KIAA1217: variants seen among roughly 807,000 people sequenced by gnomAD.
KIAA1217 encodes sickle tail protein homolog.
A neutral mutation model predicts 163.9 loss-of-function variants in KIAA1217; 88 were observed. The observed-to-expected ratio is 0.54, with a 90% CI of 0.45 to 0.64. The LOEUF is 0.64. Ranked by LOEUF, KIAA1217 falls within the 30% of genes least tolerant of loss-of-function variation. The pLI, the probability that KIAA1217 is intolerant of heterozygous loss-of-function variation, is 0.00. For synonymous variants in KIAA1217, 903 were observed against 923.1 expected (o/e 0.98, Z 0.39); for missense variants, 2,372 against 2,475.0 (o/e 0.96, Z 0.88).
chr10:24,387,614 C>A (rs1018414486), intron 3 of KIAA1217, among the ~76,000 whole-genome samples: 4 of 152,142 alleles, frequency 2.6e-5, no homozygotes, highest in African/African-American at 4.8e-5. Context: ...AAGTCAAATT[C>A]TCCCTGTTTG....
At chr10:24,039,437 C>A (rs997551352) in intron 2 of KIAA1217, among the ~76,000 whole-genome samples, 1 of 152,096 alleles carries the variant, frequency 6.6e-6, no homozygotes, top group Admixed American at 6.6e-5. Context: ...AATACTCCCT[C>A]GATATGCTGG....
intron 2 of KIAA1217, among the ~76,000 whole-genome samples, chr10:24,364,601 G>C (rs536354528): frequency 3.9e-5 from 6 of 152,076 alleles, no homozygotes; most frequent in Admixed American, 3.3e-4. Context: ...GCATCCCGGG[G>C]CCTTCCCTGC....
At chr10:24,306,685 G>A (rs1412249300) in intron 2 of KIAA1217, among the ~76,000 whole-genome samples, 1 of 152,214 alleles carries the variant, frequency 6.6e-6, no homozygotes, top group Non-Finnish European at 1.5e-5. Context: ...AACAGCAGCA[G>A]CATCTTCCAA....
chr10:23,708,390 A>G (rs1837025838), intron 1 of KIAA1217, among the ~76,000 whole-genome samples: 1 of 152,154 alleles, frequency 6.6e-6, no homozygotes, highest in Admixed American at 6.5e-5. Flanking sequence ...GTCTGGTCCA[A>G]TCCCCTAATT....
At chr10:23,884,805 C>G (rs1049767865) in intron 1 of KIAA1217, among the ~76,000 whole-genome samples, 1 of 151,934 alleles carries the variant, frequency 6.6e-6, no homozygotes, top group African/African-American at 2.4e-5. Flanking sequence ...AGGTTTGTCC[C>G]CAGCAACTTG....
chr10:23,796,146 T>C (rs1007497803), intron 1 of KIAA1217, among the ~76,000 whole-genome samples: 1 of 152,070 alleles, frequency 6.6e-6, no homozygotes, highest in African/African-American at 2.4e-5. Flanking sequence ...CATGCAAAGA[T>C]TTTAGCTTTG....
At chr10:24,125,698 C>T (rs1190878163) in intron 2 of KIAA1217, among the ~76,000 whole-genome samples, 2 of 151,990 alleles carry the variant, frequency 1.3e-5, no homozygotes, top group Non-Finnish European at 2.9e-5. Context: ...CCCTTTCTCT[C>T]TATTTCTAAC....
chr10:24,257,037 A>C (rs1043435438), intron 2 of KIAA1217, among the ~76,000 whole-genome samples: 2 of 152,176 alleles, frequency 1.3e-5, no homozygotes, highest in African/African-American at 4.8e-5. Context: ...ATGAAACAAG[A>C]TGGTCAGGAA....
intron 1 of KIAA1217, among the ~76,000 whole-genome samples, chr10:23,983,094 CAAG>C (rs1845838329): frequency 6.6e-6 from 1 of 151,708 alleles, no homozygotes; most frequent in African/African-American, 2.4e-5. Flanking sequence ...CAGAGGTGTG[CAAG>C]AAGAACAAGC....
At chr10:23,765,187 CTTTTTTTTTTTTT>C (rs67342339) in intron 1 of KIAA1217, among the ~76,000 whole-genome samples, 2 of 75,366 alleles carry the variant, frequency 2.7e-5, no homozygotes, top group South Asian at 5.2e-4. Flanking sequence ...TTTTTGTTCT[CTTTTTTTTTTTTT>C]TTTTTTTTTT....
rs1407665932 is a variant in KIAA1217, at chr10:24,212,922, C to A, written c.70+3659C>A. Reference sequence around the variant, plus strand: ...TTGTTGAATGAAAGGCTAATTTTACCACTTTGGGACTTTGAGTTTATTATC... The same window carrying A: ...TTGTTGAATGAAAGGCTAATTTTACAACTTTGGGACTTTGAGTTTATTATC... On this transcript the variant is annotated intron_variant, in intron 1 of 20. Coordinates refer to ENST00000376454, the MANE Select transcript of KIAA1217 (RefSeq NM_019590.5). 7.2e-5 allele frequency among the ~76,000 whole-genome samples: 11 copies of A among 152,140 alleles called. 1 individual carries two copies. Among genetic ancestry groups the A allele is most frequent in the Admixed American group, 7.2e-4 (11 of 15,278 alleles).
intron 2 of KIAA1217, among the ~76,000 whole-genome samples, chr10:24,337,878 C>T (rs922731789): frequency 4.6e-5 from 7 of 152,126 alleles, no homozygotes; most frequent in East Asian, 3.9e-4. Context: ...CTCCTGACTG[C>T]GTGATCTACC....
chr10:24,302,344 C>G (rs1346889462), intron 2 of KIAA1217, among the ~76,000 whole-genome samples: 1 of 152,114 alleles, frequency 6.6e-6, no homozygotes, highest in Non-Finnish European at 1.5e-5. Flanking sequence ...TTCCTTAGCT[C>G]AGAACTCTGA....
chr10:23,981,006 T>G (rs1014261950), intron 1 of KIAA1217, among the ~76,000 whole-genome samples: 1 of 152,220 alleles, frequency 6.6e-6, no homozygotes, highest in East Asian at 1.9e-4. Context: ...CAAGTAACTT[T>G]AGTTGCGTGG....
At chr10:24,084,426 G>A (rs1159012496) in intron 2 of KIAA1217, among the ~76,000 whole-genome samples, 1 of 152,134 alleles carries the variant, frequency 6.6e-6, no homozygotes, top group African/African-American at 2.4e-5. Context: ...CCCTTCCTAT[G>A]TGCCTGACAC....
chr10:23,942,350 A>G (rs561884400), intron 1 of KIAA1217, among the ~76,000 whole-genome samples: 30 of 152,212 alleles, frequency 2.0e-4, no homozygotes, highest in African/African-American at 7.0e-4. Flanking sequence ...AAGAGAAATG[A>G]AAACTTTCAA....
At chr10:23,971,615 T>C (rs1029302905) in intron 1 of KIAA1217, among the ~76,000 whole-genome samples, 1 of 152,172 alleles carries the variant, frequency 6.6e-6, no homozygotes, top group Admixed American at 6.5e-5. Flanking sequence ...AGCAATTGGA[T>C]ACCAACATGA....
chr10:24,530,549 C>A (rs921646628), intron 14 of KIAA1217, among the ~76,000 whole-genome samples: 5 of 151,924 alleles, frequency 3.3e-5, no homozygotes, highest in African/African-American at 4.8e-5. Flanking sequence ...TTTGTATTTC[C>A]CCTTGTGTGA....
chr10:23,710,891 A>G (rs758523109), intron 1 of KIAA1217, among the ~76,000 whole-genome samples: 4 of 152,198 alleles, frequency 2.6e-5, no homozygotes, highest in Admixed American at 6.5e-5. Context: ...GGTCTGATCA[A>G]TAAAGCAAAC....
Sources: gnomAD v4.1 joint callset for allele counts (sites outside exome capture counted in the v4.1 genomes callset) on GRCh38, gnomAD v4.1.1 for gene constraint, MANE v1.5 for transcripts, NCBI Gene and HGNC (gene_info 2026-07-23, HGNC 2026-07-21) for gene names.